VSIG1: variants seen among roughly 807,000 people sequenced by gnomAD.
VSIG1 encodes the protein V-set and immunoglobulin domain-containing protein 1.
Under a neutral mutation model 20.1 loss-of-function variants are expected in VSIG1, and 11 were observed. The ratio of observed to expected loss-of-function variants is 0.55; its 90% CI spans 0.34 to 0.91. The LOEUF is 0.91. Among genes scored for constraint, VSIG1 ranks in the 40% least tolerant of loss-of-function variants. The pLI is 0.02. For missense variants in VSIG1, 283 were observed against 298.8 expected, an observed-to-expected ratio of 0.95 and a Z score of 0.39; for synonymous variants, 126 against 116.7, an observed-to-expected ratio of 1.08 and a Z score of -0.52.
At chrX:108,040,649 C>T (rs139959453), upstream of VSIG1, among the ~76,000 whole-genome samples, 4 of 111,574 alleles carry the variant, frequency 3.6e-5, no homozygotes, top group Non-Finnish European at 7.5e-5. Flanking sequence ...AAACTGGAAA[C>T]CATCTAAGAA....
At chrX:108,047,879 T>TATACAC (rs2030646956) in intron 1 of VSIG1, among the ~76,000 whole-genome samples, 1 of 36,210 alleles carries the variant, frequency 2.8e-5, no homozygotes, top group African/African-American at 1.5e-4. Flanking sequence ...TACACATATA[T>TATACAC]ATATATACAC....
chrX:108,041,272 C>T (rs1484402376), upstream of VSIG1, among the ~76,000 whole-genome samples: 2 of 110,458 alleles, frequency 1.8e-5, no homozygotes, highest in Non-Finnish European at 3.8e-5. Flanking sequence ...GTATACCTGA[C>T]TTATTTGTTG....
At chrX:108,060,298 T>A in intron 2 of VSIG1, among the ~76,000 whole-genome samples, 1 of 111,883 alleles carries the variant, frequency 8.9e-6, no homozygotes, top group Middle Eastern at 4.6e-3. Context: ...GCCTCTGCAC[T>A]GAGCTGCTGG....
At chrX:108,024,182 G>C in the VSIG1 span, among the ~76,000 whole-genome samples, 1 of 111,592 alleles carries the variant, frequency 9.0e-6, no homozygotes, top group South Asian at 3.7e-4. Flanking sequence ...TAATTTGTCT[G>C]TTTCTAGGAA....
intron 1 of VSIG1, among the ~76,000 whole-genome samples, chrX:108,053,691 T>C (rs1190112991): frequency 8.9e-6 from 1 of 112,028 alleles, no homozygotes; most frequent in Non-Finnish European, 1.9e-5. Flanking sequence ...TCCCCTTTTA[T>C]CTGTGGTTTT....
At chrX:108,072,648 A>G in intron 3 of VSIG1, 29 bp from the exon 4 acceptor site, 1 of 1,191,093 alleles carries the variant, frequency 8.4e-7, no homozygotes, top group Non-Finnish European at 1.1e-6. Context: ...CATCCTAAAG[A>G]ATTTTTATTC....
At chrX:108,059,005 T>G (rs1003354120) in intron 2 of VSIG1, among the ~76,000 whole-genome samples, 11 of 111,724 alleles carry the variant, frequency 9.8e-5, no homozygotes, top group Non-Finnish European at 1.9e-4. Flanking sequence ...CATGTTTATG[T>G]GAGCACATAT....
the VSIG1 span, among the ~76,000 whole-genome samples, chrX:108,036,104 A>G: frequency 2.0e-5 from 2 of 100,025 alleles, no homozygotes; most frequent in African/African-American, 7.4e-5. Context: ...TCACTATGTC[A>G]CAGGTACCAT....
intron 2 of VSIG1, among the ~76,000 whole-genome samples, chrX:108,059,111 G>T (rs189798476): frequency 8.9e-6 from 1 of 112,278 alleles, no homozygotes; most frequent in East Asian, 2.8e-4. Flanking sequence ...GTTTAGAGAA[G>T]AGACAAGTCG....
intron 1 of VSIG1, among the ~76,000 whole-genome samples, chrX:108,055,623 G>A (rs914092805): frequency 1.8e-5 from 2 of 111,434 alleles, no homozygotes; most frequent in African/African-American, 3.3e-5. Flanking sequence ...TGACCAAATG[G>A]GATTTATTTC....
chrX:108,037,663 C>G, the VSIG1 span, among the ~76,000 whole-genome samples: 7 of 112,447 alleles, frequency 6.2e-5, no homozygotes, highest in Non-Finnish European at 1.3e-4. Flanking sequence ...TTATCCCACA[C>G]AATACACAAA....
intron 1 of VSIG1, among the ~76,000 whole-genome samples, chrX:108,052,287 A>G (rs2030800859): frequency 1.8e-5 from 2 of 111,782 alleles, no homozygotes; most frequent in South Asian, 7.6e-4. Context: ...TCCTGCTATG[A>G]AAAAAACAAA....
At chrX:108,048,281 G>A (rs1281890191) in intron 1 of VSIG1, among the ~76,000 whole-genome samples, 2 of 109,951 alleles carry the variant, frequency 1.8e-5, no homozygotes, top group African/African-American at 6.6e-5. Context: ...GGGATTACAG[G>A]CGTGAGCCAC....
intron 1 of VSIG1, among the ~76,000 whole-genome samples, chrX:108,053,534 G>A (rs1042893975): frequency 9.0e-6 from 1 of 111,224 alleles, no homozygotes; most frequent in African/African-American, 3.3e-5. Flanking sequence ...AAATGCTCAA[G>A]TAACTATCAG....
intron 2 of VSIG1, chrX:108,064,870 G>A (rs140170942): frequency 3.1e-5 from 13 of 424,861 alleles, no homozygotes; most frequent in African/African-American, 3.0e-4. Flanking sequence ...GCCTGATAGC[G>A]TGGGTGCCAA....
At chrX:108,071,518 C>G (rs190424048) in intron 3 of VSIG1, among the ~76,000 whole-genome samples, 11 of 111,077 alleles carry the variant, frequency 9.9e-5, no homozygotes, top group African/African-American at 3.6e-4. Flanking sequence ...CAGGACTTCT[C>G]CCCTGACATG....
intron 1 of VSIG1, among the ~76,000 whole-genome samples, chrX:108,047,943 T>TATATATACACACAC (rs1569287357): frequency 1.5e-4 from 5 of 33,348 alleles, no homozygotes; most frequent in African/African-American, 3.8e-4. Context: ...TACACATATA[T>TATATATACACACAC]ATATATATAT....
chrX:108,019,875 G>A, the VSIG1 span, among the ~76,000 whole-genome samples: 1 of 111,325 alleles, frequency 9.0e-6, no homozygotes, highest in Non-Finnish European at 1.9e-5. Context: ...ACTCTACCAC[G>A]GCTAGGATTT....
chrX:108,065,970 C>T (rs1033806951), intron 2 of VSIG1, among the ~76,000 whole-genome samples: 21 of 111,222 alleles, frequency 1.9e-4, no homozygotes, highest in Non-Finnish European at 3.6e-4. Context: ...TGACTAGAGG[C>T]CACCTCCCCT....
Sources: allele counts gnomAD v4.1 joint callset (sites outside exome capture counted in the v4.1 genomes callset), GRCh38; gene constraint gnomAD v4.1.1; transcripts MANE v1.5; gene names NCBI Gene and HGNC (gene_info 2026-07-23, HGNC 2026-07-21).